Variants in HLTF observed in about 807,000 individuals in gnomAD.
HLTF encodes the protein DNA-dependent ATPase/E3 ubiquitin-protein ligase HLTF.
Under a neutral mutation model 129.4 loss-of-function variants are expected in HLTF, and 127 were observed. That is an observed-to-expected ratio of 0.98 (90% CI 0.85 to 1.14). The LOEUF is 1.14. Among genes scored for constraint, HLTF ranks in the 50% most tolerant of loss-of-function variants. HLTF has a pLI of 0.00. For missense variants in HLTF, 1,139 were observed against 1,187.1 expected (o/e 0.96, Z 0.60); for synonymous variants, 332 against 388.8 (o/e 0.85, Z 1.72).
intron 13 of HLTF, 31 bp from the exon 14 acceptor site, chr3:149,055,431 A>G: frequency 6.8e-7 from 1 of 1,465,258 alleles, no homozygotes. Context: ...TAGAACCTTT[A>G]GCTGTTTTTC....
chr3:149,037,618 C>CAT, intron 23 of HLTF, among the ~76,000 whole-genome samples: 1 of 152,100 alleles, frequency 6.6e-6, no homozygotes. Flanking sequence ...CCTGAGTAAA[C>CAT]ATATATGCAT....
At chr3:149,033,657 G>A (rs1394617935) in intron 24 of HLTF, among the ~76,000 whole-genome samples, 1 of 151,674 alleles carries the variant, frequency 6.6e-6, no homozygotes. Flanking sequence ...GAAAAAGTTG[G>A]AATTTTCAAA....
chr3:149,068,611 A>G (rs1718599335), intron 7 of HLTF, among the ~76,000 whole-genome samples: 1 of 152,216 alleles, frequency 6.6e-6, no homozygotes, highest in African/African-American at 2.4e-5. Flanking sequence ...ACAATTCTAC[A>G]TTTAATCCTG....
chr3:149,035,494 T>TA (rs1186966250), intron 23 of HLTF, among the ~76,000 whole-genome samples: 5 of 151,686 alleles, frequency 3.3e-5, no homozygotes, highest in African/African-American at 7.3e-5. Context: ...CCGTCTCTAC[T>TA]AAAAATAGAA....
At chr3:149,053,698 C>G (rs1211428579) in intron 14 of HLTF, among the ~76,000 whole-genome samples, 1 of 152,186 alleles carries the variant, frequency 6.6e-6, no homozygotes, top group Non-Finnish European at 1.5e-5. Flanking sequence ...TCTCACTTGG[C>G]AAGATTTTGC....
chr3:149,042,136 C>T, intron 19 of HLTF, 30 bp downstream of exon 19: 3 of 1,595,512 alleles, frequency 1.9e-6, no homozygotes, highest in Admixed American at 1.7e-5. Context: ...CTGACAAATA[C>T]AATGATATGA....
At chr3:149,085,678 C>T (rs1428862677) in intron 1 of HLTF, among the ~76,000 whole-genome samples, 1 of 152,194 alleles carries the variant, frequency 6.6e-6, no homozygotes, top group Non-Finnish European at 1.5e-5. Context: ...AACCACGCCA[C>T]CGTGGGAAAT....
rs1295665206 is a variant in HLTF at position 149,073,236 on chromosome 3, T to A, written c.616A>T (p.Thr206Ser). 1.3e-6 allele frequency: 2 copies of A among 1,599,182 alleles called. No homozygotes were observed. The highest frequency in any genetic ancestry group is 2.7e-5 in the African/African-American group (2 of 74,406). ...AAAGAGAAGCACACCTGTTCAGTTG[T>A]CATCTGTACTGCAGCATGCACTGGC... ...SMPVHAAVQMTTEQLKTEFDK... is the reference protein window; with the variant it reads ...SMPVHAAVQMSTEQLKTEFDK... The change falls in exon 5 of 25, where the codon ACA becomes TCA. Residue 206 changes from threonine to serine, a missense_variant. By Grantham distance (58) the Thr-to-Ser change is moderately conservative (BLOSUM62 1). Transcript: ENST00000310053.
At chr3:149,040,257 A>G in intron 20 of HLTF, 101 bp from the exon 21 acceptor site, 1 of 990,194 alleles carries the variant, frequency 1.0e-6, no homozygotes, top group Non-Finnish European at 1.5e-6. Flanking sequence ...TATCTCTCAT[A>G]GCTAACATTT....
At chr3:149,045,401 A>G (rs1576583232) in intron 18 of HLTF, among the ~76,000 whole-genome samples, 1 of 152,178 alleles carries the variant, frequency 6.6e-6, no homozygotes, top group Non-Finnish European at 1.5e-5. Context: ...ATTAAAATAT[A>G]AATTCCTCGA....
chr3:149,072,737 A>C (rs1476472565), intron 5 of HLTF, among the ~76,000 whole-genome samples: 1 of 152,236 alleles, frequency 6.6e-6, no homozygotes, highest in Non-Finnish European at 1.5e-5. Context: ...CAAACATCAA[A>C]AAAGTTTTAA....
rs1049791085 is a variant in HLTF at position 149,086,529 on chromosome 3, A to G, written c.-193T>C. The G allele has an allele frequency of 3.2e-6, 2 of 626,150 alleles. No homozygotes were observed. The highest frequency in any genetic ancestry group is 1.9e-5 in the South Asian group (1 of 51,522). 38.8% of individuals were successfully genotyped at this position (626,150 alleles called of 1,614,324 possible). A position where few individuals can be genotyped will look rare whatever the true frequency, so the allele number is the denominator to read the frequency against. On this transcript the variant is annotated 5_prime_UTR_variant, in exon 1 of 25. Transcript: ENST00000310053. ...CGTCGACGCCGTCTCCTTCTGCAAC[A>G]ATCTGGGAGACCAGCGTCGCTCTGT...
At position 149,039,147 on chromosome 3, in the gene HLTF, T is replaced by G. The variant is rs1187265622; in HGVS notation, c.2698A>C (p.Thr900Pro). 2 of 1,612,836 alleles carry G rather than the reference T, an allele frequency of 1.2e-6. No individual in the cohort carries two copies. Among genetic ancestry groups the G allele is most frequent in the Non-Finnish European group, 1.7e-6 (2 of 1,179,482 alleles). The change falls in exon 23 of 25, where the codon ACT (threonine) becomes CCT (proline). Residue 900 changes from threonine to proline, a missense_variant. Transcript: ENST00000310053. Reference protein sequence around the residue: ...RVESIQCFQNTEAGSPTIMLL... With the variant: ...RVESIQCFQNPEAGSPTIMLL... The stretch of plus-strand genomic sequence containing the variant: ...ATTATAGTTGGAGATCCTGCTTCAG[T>G]GTTTTGAAAACACTGAATTGATTCA...
intron 14 of HLTF, among the ~76,000 whole-genome samples, chr3:149,051,084 G>A (rs1026362554): frequency 2.0e-5 from 3 of 152,052 alleles, no homozygotes; most frequent in African/African-American, 4.8e-5. Flanking sequence ...GAACAGGGTG[G>A]AAAGGACAGG....
At chr3:149,043,240 C>T (rs1356269301) in intron 18 of HLTF, among the ~76,000 whole-genome samples, 1 of 150,972 alleles carries the variant, frequency 6.6e-6, no homozygotes, top group Non-Finnish European at 1.5e-5. Context: ...CACACTGAAA[C>T]CAATATAAGC....
rs775614755 is a variant in HLTF at position 149,063,557 on chromosome 3, TAGTA to T, written c.1067-37_1067-34del. The T allele has an allele frequency of 1.5e-4, 198 of 1,279,096 alleles. 1 individual carries two copies. Among genetic ancestry groups the T allele is most frequent in the Non-Finnish European group, 2.0e-4 (173 of 876,272 alleles). The allele number at this position is 1,279,096 out of a possible 1,614,324, so 79.2% of individuals were successfully genotyped here. ...AAAGAAAAATGCAAATATAAAGTATTAGTAAGGTGTCTTAGAAACTAGTATTATC... is the reference window on the plus strand; with the variant it reads ...AAAGAAAAATGCAAATATAAAGTATTAGGTGTCTTAGAAACTAGTATTATC... On this transcript the variant is annotated intron_variant, in intron 9 of 24. Transcript: ENST00000310053.
At chr3:149,033,940 G>A (rs1576566932) in intron 24 of HLTF, among the ~76,000 whole-genome samples, 1 of 151,996 alleles carries the variant, frequency 6.6e-6, no homozygotes, top group African/African-American at 2.4e-5. Context: ...GAAGAGTATG[G>A]GATAAACCAT....
rs1365792895 is a variant in HLTF at position 149,084,555 on chromosome 3, C to A, written c.228+127G>T. The A allele has an allele frequency of 4.3e-6, 3 of 695,548 alleles. No homozygotes were observed. The African/African-American group carries it at 5.4e-5, about 13-fold the overall frequency. The allele number at this position is 695,548 out of a possible 1,614,324, so 43.1% of individuals were successfully genotyped here. A position where few individuals can be genotyped will look rare whatever the true frequency, so the allele number is the denominator to read the frequency against. ...CACTTAAGGTATTTGTTATTTTTTG[C>A]GTACAAATATTTAACTAACTTAAAG... On this transcript the variant is annotated intron_variant, in intron 2 of 24. Transcript: ENST00000310053.
Position 149,075,816 on chromosome 3 carries a change from C to T in HLTF, c.395+65G>A, listed in dbSNP as rs1719297189. 3 of 1,074,166 alleles carry T rather than the reference C, an allele frequency of 2.8e-6. No individual in the cohort carries two copies. In the East Asian group the frequency reaches 7.5e-5, roughly 27 times the overall value. The allele number at this position is 1,074,166 out of a possible 1,614,324, so 66.5% of individuals were successfully genotyped here. A position where few individuals can be genotyped will look rare whatever the true frequency, so the allele number is the denominator to read the frequency against. ...TACCTTTATAGGCTCTAACAAGAAG[C>T]CCTAACAAGTTCAAAGATGACTATA... On this transcript the variant is annotated intron_variant, in intron 3 of 24. Transcript: ENST00000310053.
Sources: gnomAD v4.1 joint callset for allele counts (sites outside exome capture counted in the v4.1 genomes callset) on GRCh38, gnomAD v4.1.1 for gene constraint, MANE v1.5 for transcripts, NCBI Gene and HGNC (gene_info 2026-07-23, HGNC 2026-07-21) for gene names.